The following BECN1 variants were observed in gnomAD, a reference collection of about 807,000 sequenced individuals.
BECN1 encodes the protein beclin-1.
Under a neutral mutation model 60.1 loss-of-function variants are expected in BECN1, and 15 were observed. That is an observed-to-expected ratio of 0.25 (90% confidence interval 0.17 to 0.38). The LOEUF (loss-of-function observed/expected upper bound fraction) is 0.38, where lower values mean the gene tolerates loss of function less well. Ranked by LOEUF, BECN1 falls within the 10% of genes least tolerant of loss-of-function variation. The pLI, the probability that BECN1 is intolerant of heterozygous loss-of-function variation, is 1.00. For missense variants in BECN1, 424 were observed against 548.2 expected (o/e 0.77, Z 2.26); for synonymous variants, 179 against 201.8 (o/e 0.89, Z 0.96).
At chr17:42,813,206 T>C (rs2055070450) in intron 10 of BECN1, among the ~76,000 whole-genome samples, 1 of 151,884 alleles carries the variant, frequency 6.6e-6, no homozygotes, top group South Asian at 2.1e-4. Context: ...ATTTAAAATA[T>C]TGTATGAAAT....
chr17:42,812,200 C>T (rs1380848706), intron 10 of BECN1: 1 of 156,624 alleles, frequency 6.4e-6, no homozygotes, highest in African/African-American at 2.5e-5. Context: ...GCCTGACCAA[C>T]ATGGAGAAAC....
At chr17:42,811,101 A>G in intron 11 of BECN1, 173 bp from the exon 12 acceptor site, 2 of 611,262 alleles carry the variant, frequency 3.3e-6, no homozygotes, top group Non-Finnish European at 5.3e-6. Context: ...GAAGACTGTC[A>G]CAAGAGCCTC....
intron 3 of BECN1, 137 bp downstream of exon 3, chr17:42,820,637 A>G: frequency 2.7e-6 from 2 of 754,210 alleles, no homozygotes; most frequent in Non-Finnish European, 4.4e-6. Flanking sequence ...CATTACCCAG[A>G]GATCCCAAAA....
Position 42,816,046 on chromosome 17 carries a change from C to A in BECN1, c.692G>T (p.Arg231Ile). The A allele has an allele frequency of 6.3e-7, 1 of 1,589,794 alleles. No individual in the cohort carries two copies. The highest frequency in any genetic ancestry group is 8.6e-7 in the Non-Finnish European group (1 of 1,168,106). The change falls in exon 8 of 12, where the codon AGA (arginine) becomes ATA (isoleucine). Residue 231 changes from arginine to isoleucine, a missense_variant. By Grantham distance (97) the Arg-to-Ile change is moderately conservative (BLOSUM62 -3). This residue lies in a region of BECN1 where 326 missense variants were observed against 406.2 expected (regional missense o/e 0.80). Transcript: ENST00000590099. ...CTGTCGTTTAAATTCACTGTATTCT[C>A]TCTGATACCTGTGAGCAGCCAAGGG... ...RLDQEEAQYQ[R>I]EYSEFKRQQL...
At chr17:42,815,751 C>A in intron 8 of BECN1, 157 bp downstream of exon 8, 1 of 912,210 alleles carries the variant, frequency 1.1e-6, no homozygotes, top group Non-Finnish European at 1.7e-6. Context: ...GAATTCCAAT[C>A]CCTACTGTGC....
rs1230114709 is a variant in BECN1 at position 42,817,706 on chromosome 17, A to AT, written c.683+514dup. ...ACTACAGGTCTACCACAGCAGCCTAATTTTTTTTTAATTTTCATTTTTGTA... is the reference window on the plus strand; with the variant it reads ...ACTACAGGTCTACCACAGCAGCCTAATTTTTTTTTTAATTTTCATTTTTGTA... On this transcript the variant is annotated intron_variant, in intron 7 of 11. Transcript: ENST00000590099. Among the ~76,000 whole-genome samples the AT allele has an allele frequency of 4.6e-5, 7 of 151,632 alleles. No homozygotes were observed. In the East Asian group the frequency reaches 5.8e-4, roughly 13 times the overall value.
chr17:42,822,607 G>T (rs1321039149), intron 2 of BECN1, among the ~76,000 whole-genome samples: 1 of 151,994 alleles, frequency 6.6e-6, no homozygotes. Context: ...TTACTGTGTT[G>T]CCCAGGCTGG....
At chr17:42,816,408 T>C (rs371852556) in intron 7 of BECN1, among the ~76,000 whole-genome samples, 24 of 152,120 alleles carry the variant, frequency 1.6e-4, no homozygotes, top group African/African-American at 5.5e-4. Flanking sequence ...TCCCAGCACT[T>C]TGGGAGGCCA....
chr17:42,813,770 TTC>T, intron 10 of BECN1, 176 bp downstream of exon 10: 1 of 485,164 alleles, frequency 2.1e-6, no homozygotes, highest in Non-Finnish European at 3.7e-6. Flanking sequence ...AAAACCTGAT[TTC>T]TGTCTACAAG....
At chr17:42,815,080 A>G in intron 8 of BECN1, 1 of 178,332 alleles carries the variant, frequency 5.6e-6, no homozygotes, top group Non-Finnish European at 1.2e-5. Context: ...AAAAGCCATC[A>G]TTCACGAATA....
At chr17:42,820,682 G>T in intron 3 of BECN1, 92 bp downstream of exon 3, 1 of 1,361,174 alleles carries the variant, frequency 7.3e-7, no homozygotes. Flanking sequence ...GTAGCCTGCA[G>T]AAACCAAGCC....
Position 42,823,804 on chromosome 17 carries a change from AG to A in BECN1, c.73del (p.Leu25Ter). 6.2e-7 allele frequency: 1 copy of A among 1,614,076 alleles called. No homozygotes were observed. The highest frequency in any genetic ancestry group is 8.5e-7 in the Non-Finnish European group (1 of 1,179,984). The part of the protein sequence containing the change: ...SFVCQRCSQP[L>X]KLDTSFKILD... Reference sequence around the variant, plus strand: ...GATCTTGAAACTCGTGTCCAGTTTCAGGGGCTGGCTGCAGCGCTGGCACACG... The same window carrying A: ...GATCTTGAAACTCGTGTCCAGTTTCAGGGCTGGCTGCAGCGCTGGCACACG... On this transcript the variant is annotated frameshift_variant, in exon 2 of 12. Transcript: ENST00000590099. LOFTEE classifies it high-confidence loss of function.
chr17:42,822,919 G>A (rs1353607719), intron 2 of BECN1, among the ~76,000 whole-genome samples: 1 of 151,638 alleles, frequency 6.6e-6, no homozygotes, highest in Non-Finnish European at 1.5e-5. Context: ...GGGCTCAAGC[G>A]ATCCTCCCAC....
At chr17:42,816,649 C>CA (rs1312388751) in intron 7 of BECN1, among the ~76,000 whole-genome samples, 11,052 of 77,038 alleles carry the variant, frequency 0.14, 624 homozygotes, top group South Asian at 0.25. Context: ...GACTCTGTCT[C>CA]AAAAAAAAAA....
Position 42,813,979 on chromosome 17 carries a change from G to C in BECN1, c.1010C>G (p.Ser337Ter), listed in dbSNP as rs1386343478. The C allele has an allele frequency of 6.2e-7, 1 of 1,606,022 alleles. No homozygotes were observed. The highest frequency in any genetic ancestry group is 1.1e-5 in the South Asian group (1 of 90,312). Reference sequence around the variant, plus strand: ...TTTGTCTGTCAGAGACTCCAGATATGAATGGTTTCCGTAAGGAACAAGTCG... The same window carrying C: ...TTTGTCTGTCAGAGACTCCAGATATCAATGGTTTCCGTAAGGAACAAGTCG... The part of the protein sequence containing the change: ...RYRLVPYGNH[S>*]YLESLTDKSK... Residue 337 changes from serine (S) to a stop codon, truncating the protein, a stop_gained, in exon 10 of 12, where the codon TCA becomes TGA. Transcript: ENST00000590099. LOFTEE classifies it high-confidence loss of function.
chr17:42,818,441 C>T, intron 6 of BECN1, 26 bp from the exon 7 acceptor site: 1 of 1,612,970 alleles, frequency 6.2e-7, no homozygotes, highest in Non-Finnish European at 8.5e-7. Context: ...GCAGACTATA[C>T]TTACTAGAGC....
At chr17:42,813,333 G>A (rs527281250) in intron 10 of BECN1, among the ~76,000 whole-genome samples, 3 of 151,616 alleles carry the variant, frequency 2.0e-5, no homozygotes, top group South Asian at 2.1e-4. Context: ...TCAGGAGTTC[G>A]AGACCAGCCT....
rs1291645410 is a variant in BECN1, at chr17:42,810,923, T to C, written c.1190A>G (p.Asp397Gly). Reference sequence around the variant, plus strand: ...GTCTTCAATCTTGCCTTTCTCCACATCCATCCTGCAGATGGACAGAGCAAA... The same window carrying C: ...GTCTTCAATCTTGCCTTTCTCCACACCCATCCTGCAGATGGACAGAGCAAA... ...ETRFCLPYRMDVEKGKIEDTG... is the reference protein window; with the variant it reads ...ETRFCLPYRMGVEKGKIEDTG... Residue 397 changes from aspartate to glycine, a missense_variant, in exon 12 of 12, where the codon GAT becomes GGT. Around this residue, in one of 3 missense-constraint regions of BECN1, gnomAD observed 326 missense variants for 406.2 expected, o/e 0.80. Coordinates refer to ENST00000590099, the MANE Select transcript of BECN1 (RefSeq NM_001313998.2). The C allele has an allele frequency of 1.9e-6, 3 of 1,607,800 alleles. No homozygotes were observed. Among genetic ancestry groups the C allele is most frequent in the Non-Finnish European group, 2.5e-6 (3 of 1,177,322 alleles).
chr17:42,823,636 A>C lies in BECN1; in HGVS notation c.130+112T>G, dbSNP rs957445619. On this transcript the variant is annotated intron_variant, in intron 2 of 11. Coordinates refer to ENST00000590099, the MANE Select transcript of BECN1 (RefSeq NM_001313998.2). ...GGGAGCCAGATGAAGTGACTTTCCT[A>C]GGTTCACACGATGAGTTTGTGGCAG... 13 of 1,403,424 alleles carry C rather than the reference A, an allele frequency of 9.3e-6. No individual in the cohort carries two copies. In the African/African-American group the frequency reaches 1.9e-4, roughly 20 times the overall value. 86.9% of individuals were successfully genotyped at this position (1,403,424 alleles called of 1,614,324 possible).
Sources: gnomAD v4.1 joint callset for allele counts (sites outside exome capture counted in the v4.1 genomes callset) on GRCh38, gnomAD v4.1.1 for gene constraint, gnomAD v4.1.1 regional missense constraint, MANE v1.5 for transcripts, NCBI Gene and HGNC (gene_info 2026-07-23, HGNC 2026-07-21) for gene names.